IVD: variants seen among roughly 807,000 people sequenced by gnomAD.
IVD encodes isovaleryl-CoA dehydrogenase, mitochondrial.
A neutral mutation model predicts 51.3 loss-of-function variants in IVD; 31 were observed. That is an observed-to-expected ratio of 0.60 (90% CI 0.45 to 0.81). The LOEUF is 0.81. Ranked by LOEUF, IVD falls within the 40% of genes least tolerant of loss-of-function variation. The pLI is 0.00. For missense variants in IVD, 475 were observed against 552.0 expected, an observed-to-expected ratio of 0.86 and a Z score of 1.40; for synonymous variants, 205 against 219.4, an observed-to-expected ratio of 0.93 and a Z score of 0.58.
At chr15:40,406,330 C>T in intron 1 of IVD, 14 of 1,352,810 alleles carry the variant, frequency 1.0e-5, no homozygotes, top group Non-Finnish European at 1.4e-5. Context: ...ATGTAGTTCA[C>T]TTACACCTGA....
chr15:40,432,708 G>C (rs565148229), intron 7 of IVD, among the ~76,000 whole-genome samples: 107 of 152,366 alleles, frequency 7.0e-4, no homozygotes, highest in Non-Finnish European at 1.4e-3. Context: ...AATCTTTCCC[G>C]AAGAGGGAAA....
chr15:40,413,267 G>C (rs557978452), intron 7 of IVD, 180 bp downstream of exon 7: 90 of 654,008 alleles, frequency 1.4e-4, no homozygotes, highest in Admixed American at 3.0e-4. Flanking sequence ...CCAGGGCCCT[G>C]CAGCGGCATG....
chr15:40,410,915 A>G (rs8033938), intron 4 of IVD, 118 bp downstream of exon 4: 134,798 of 1,267,026 alleles, frequency 0.11, 8,211 homozygotes, highest in Non-Finnish European at 0.12. Context: ...CCATGAACCA[A>G]ATGTGGTTAG....
At chr15:40,433,715 T>C in intron 7 of IVD, 1 of 368,082 alleles carries the variant, frequency 2.7e-6, no homozygotes, top group Admixed American at 3.4e-5. Context: ...TCAGTTTCTA[T>C]TTACCAATTG....
In IVD at chr15:40,407,636, C is replaced by A. The variant is rs1286766689; in HGVS notation, c.145C>A (p.Leu49Ile). The A allele has an allele frequency of 1.2e-6, 2 of 1,613,648 alleles. No homozygotes were observed. Among genetic ancestry groups the A allele is most frequent in the Non-Finnish European group, 1.7e-6 (2 of 1,179,514 alleles). ...INGLSEEQRQ[L>I]RQTMAKFLQE... ...CATCTGTTTACCTCTCTCCTATTAG[C>A]TTCGTCAGACCATGGCTAAGTTCCT... The change falls in exon 2 of 12, where the codon CTT (leucine) becomes ATT (isoleucine). Residue 49 changes from leucine (L) to isoleucine (I), a missense_variant and splice_region_variant. Coordinates refer to ENST00000487418, the MANE Select transcript of IVD (RefSeq NM_002225.5).
chr15:40,431,382 A>G (rs752136265), intron 7 of IVD, among the ~76,000 whole-genome samples: 1 of 152,094 alleles, frequency 6.6e-6, no homozygotes, highest in Non-Finnish European at 1.5e-5. Context: ...TATCTATTTC[A>G]TAAGACTGGC....
At chr15:40,418,031 C>T in intron 11 of IVD, 99 bp from the exon 12 acceptor site, 1 of 1,528,346 alleles carries the variant, frequency 6.5e-7, no homozygotes, top group East Asian at 2.3e-5. Context: ...TTTAATCACC[C>T]TCTCCTCCTG....
At chr15:40,416,211 C>A (rs772925041) in intron 10 of IVD, 29 bp downstream of exon 10, 5 of 1,612,158 alleles carry the variant, frequency 3.1e-6, no homozygotes, top group Non-Finnish European at 4.2e-6. Flanking sequence ...CGGGGAGAGG[C>A]GGGGGCAGTG....
chr15:40,418,026 T>C, intron 11 of IVD, 104 bp from the exon 12 acceptor site: 2 of 1,522,282 alleles, frequency 1.3e-6, no homozygotes, highest in South Asian at 1.2e-5. Context: ...TTTTCTTTAA[T>C]CACCCTCTCC....
At chr15:40,417,239 G>A (rs1891797369) in intron 11 of IVD, among the ~76,000 whole-genome samples, 1 of 150,062 alleles carries the variant, frequency 6.7e-6, no homozygotes, top group Admixed American at 6.6e-5. Context: ...CGGGCACGGT[G>A]GCTCACACCT....
At chr15:40,435,812 G>A (rs910951190), downstream of IVD, 1 of 677,046 alleles carries the variant, frequency 1.5e-6, no homozygotes, top group Non-Finnish European at 1.8e-6. Flanking sequence ...TGCTCCTTCA[G>A]GCTCCGCTCT....
chr15:40,424,849 G>T (rs919848246), downstream of IVD, among the ~76,000 whole-genome samples: 2 of 152,238 alleles, frequency 1.3e-5, no homozygotes, highest in African/African-American at 4.8e-5. Context: ...GGGGCTCACA[G>T]TAAGTGCTCA....
Position 40,420,396 on chromosome 15 carries a change from A to G in IVD, c.*2133A>G. Reference sequence around the variant, plus strand: ...CAGATACCCTATGGCTAATTTTGTTATAACTGCACAGTGGCTGCTGCCATT... The same window carrying G: ...CAGATACCCTATGGCTAATTTTGTTGTAACTGCACAGTGGCTGCTGCCATT... On this transcript the variant is annotated 3_prime_UTR_variant, in exon 12 of 12. Coordinates refer to ENST00000487418, the MANE Select transcript of IVD (RefSeq NM_002225.5). 2.0e-6 allele frequency: 2 copies of G among 987,664 alleles called. No homozygotes were observed. Among genetic ancestry groups the G allele is most frequent in the Non-Finnish European group, 2.4e-6 (2 of 830,120 alleles). The allele number at this position is 987,664 out of a possible 1,614,324, so 61.2% of individuals were successfully genotyped here.
Position 40,418,143 on chromosome 15 carries a change from C to T in IVD, c.1152C>T (p.Tyr384=), listed in dbSNP as rs778714658. ...CCCTGGTTGCAGGTGGCAATGGCTA[C>T]ATCAATGACTTTCCCATGGGCCGCT... ...DGIQCFGGNG[Y]INDFPMGRFL... is the part of the protein sequence containing the mutation. The change falls in exon 12 of 12, where the codon TAC becomes TAT. Residue 384 remains tyrosine, a synonymous_variant. Transcript: ENST00000487418. 1 of 1,614,034 alleles carries T rather than the reference C, an allele frequency of 6.2e-7. No individual in the cohort carries two copies. Among genetic ancestry groups the T allele is most frequent in the East Asian group, 2.2e-5 (1 of 44,888 alleles).
chr15:40,412,214 G>C (rs1025982431), intron 6 of IVD, among the ~76,000 whole-genome samples: 1 of 152,224 alleles, frequency 6.6e-6, no homozygotes, highest in Non-Finnish European at 1.5e-5. Flanking sequence ...ATTGAAAAGT[G>C]TGGGAATGAG....
At chr15:40,423,120 G>A (rs1447242182), downstream of IVD, among the ~76,000 whole-genome samples, 3 of 142,912 alleles carry the variant, frequency 2.1e-5, no homozygotes, top group East Asian at 2.3e-4. Flanking sequence ...TGTATTTTTT[G>A]TAGAGCCGGG....
intron 1 of IVD, among the ~76,000 whole-genome samples, chr15:40,406,522 C>T (rs1595752967): frequency 6.6e-6 from 1 of 152,152 alleles, no homozygotes; most frequent in East Asian, 1.9e-4. Context: ...GGCCAGGCGC[C>T]GTGGCTCACA....
At chr15:40,415,198 C>A in intron 8 of IVD, 1 of 734,128 alleles carries the variant, frequency 1.4e-6, no homozygotes, top group Non-Finnish European at 2.3e-6. Flanking sequence ...GCCTGAGGAG[C>A]AGGGTGGCTT....
rs569537063 is a variant in IVD, at chr15:40,410,749, G to A, written c.408G>A (p.Gln136=). 1 of 1,614,212 alleles carries A rather than the reference G, an allele frequency of 6.2e-7. No homozygotes were observed. Among genetic ancestry groups the A allele is most frequent in the South Asian group, 1.1e-5 (1 of 91,084 alleles). Residue 136 remains glutamine (Q), a synonymous_variant, in exon 4 of 12, where the codon CAG becomes CAA. Coordinates refer to ENST00000487418, the MANE Select transcript of IVD (RefSeq NM_002225.5). ...YGAHSNLCIN[Q]LVRNGNEAQK... ...CCCACTCCAACCTCTGCATCAACCA[G>A]CTTGTACGCAATGGGAATGAGGCCC...
Sources: gnomAD v4.1 joint callset for allele counts (sites outside exome capture counted in the v4.1 genomes callset) on GRCh38, gnomAD v4.1.1 for gene constraint, MANE v1.5 for transcripts, NCBI Gene and HGNC (gene_info 2026-07-23, HGNC 2026-07-21) for gene names.